MSI2: variants seen among roughly 807,000 people sequenced by gnomAD.
MSI2 encodes the protein RNA-binding protein Musashi homolog 2.
In MSI2, 17 loss-of-function variants were observed where a neutral mutation model predicts 45.6. That is an observed-to-expected ratio of 0.37 (90% CI 0.26 to 0.56). The LOEUF (loss-of-function observed/expected upper bound fraction) is 0.56. Among genes scored for constraint, MSI2 ranks in the 20% least tolerant of loss-of-function variants. MSI2 has a pLI of 0.77. For missense variants in MSI2, 293 were observed against 444.2 expected (o/e 0.66, Z 3.06); for synonymous variants, 156 against 158.2 (o/e 0.99, Z 0.11).
In MSI2 at chr17:57,596,450, G is replaced by A. The variant is rs1394399552; in HGVS notation, c.455-418G>A. Among the ~76,000 whole-genome samples, 2 of 152,192 alleles carry A rather than the reference G, an allele frequency of 1.3e-5. No individual in the cohort carries two copies. The highest frequency in any genetic ancestry group is 6.5e-5 in the Admixed American group (1 of 15,286). ...AAGAAAAGGACAAATAACCACCTCC[G>A]TCTGGAGGCCGACCCGAGGGCTGGC... is the stretch of plus-strand genomic sequence containing the variant. On this transcript the variant is annotated intron_variant, in intron 7 of 13. Transcript: ENST00000284073. The surrounding 1 kb of genome is among the most constrained non-coding windows in gnomAD (Gnocchi z 4.6).
chr17:57,695,747 C>T, the MSI2 span, among the ~76,000 whole-genome samples: 1 of 152,122 alleles, frequency 6.6e-6, no homozygotes, highest in African/African-American at 2.4e-5. Context: ...ATACCATATA[C>T]TGGGTGGCTT....
At chr17:57,485,483 G>A (rs76177364) in intron 6 of MSI2, among the ~76,000 whole-genome samples, 1,779 of 152,256 alleles carry the variant, frequency 0.012, 33 homozygotes, top group South Asian at 0.056. Flanking sequence ...TTGTGCAGAT[G>A]GGAGCCACGC....
chr17:57,270,539 G>T (rs1908263754), intron 5 of MSI2, among the ~76,000 whole-genome samples: 1 of 152,218 alleles, frequency 6.6e-6, no homozygotes. Flanking sequence ...TTTGTTACCT[G>T]TTTTCTGAGA....
intron 5 of MSI2, among the ~76,000 whole-genome samples, chr17:57,334,720 C>T (rs990555376): frequency 8.6e-5 from 13 of 151,620 alleles, no homozygotes; most frequent in Non-Finnish European, 1.3e-4. Context: ...CTTGAACCCA[C>T]GAGGCGGAGG....
chr17:57,374,638 C>T (rs1365001929), intron 5 of MSI2, among the ~76,000 whole-genome samples: 2 of 151,916 alleles, frequency 1.3e-5, no homozygotes, highest in East Asian at 1.9e-4. Context: ...ATTAGCTGGG[C>T]ATGGTGGTGC....
intron 7 of MSI2, among the ~76,000 whole-genome samples, chr17:57,541,835 C>G (rs1274889311): frequency 6.6e-6 from 1 of 152,150 alleles, no homozygotes; most frequent in Non-Finnish European, 1.5e-5. Context: ...GAAATTTCTC[C>G]CTCAACTTGC....
chr17:57,293,594 T>TG (rs1491364981), intron 5 of MSI2, among the ~76,000 whole-genome samples: 19 of 56,272 alleles, frequency 3.4e-4, no homozygotes, highest in African/African-American at 9.2e-4. Flanking sequence ...ATTGTTTTTT[T>TG]GTTTTTTTTT....
chr17:57,422,663 C>T, intron 6 of MSI2, among the ~76,000 whole-genome samples: 1 of 152,244 alleles, frequency 6.6e-6, no homozygotes, highest in East Asian at 1.9e-4. Flanking sequence ...ATTGTCACCG[C>T]TAACCCTGCT....
intron 5 of MSI2, among the ~76,000 whole-genome samples, chr17:57,356,071 C>T (rs539503671): frequency 2.6e-5 from 4 of 152,050 alleles, no homozygotes; most frequent in Non-Finnish European, 2.9e-5. Context: ...GTTGGGTTTT[C>T]GCCACGTTGG....
intron 7 of MSI2, among the ~76,000 whole-genome samples, chr17:57,587,341 G>A (rs1008113015): frequency 1.3e-5 from 2 of 152,214 alleles, no homozygotes; most frequent in African/African-American, 4.8e-5. Flanking sequence ...TCAAGGTCAA[G>A]GGTTGGCCAG....
intron 8 of MSI2, among the ~76,000 whole-genome samples, chr17:57,602,842 G>A (rs1024874995): frequency 3.9e-5 from 6 of 152,290 alleles, no homozygotes; most frequent in Middle Eastern, 3.4e-3. Flanking sequence ...AGCTGGTTAG[G>A]AATGCAGAGT....
At chr17:57,597,007 C>T (rs932251831) in intron 8 of MSI2, 57 bp downstream of exon 8, 1 of 1,276,848 alleles carries the variant, frequency 7.8e-7, no homozygotes, top group Admixed American at 1.7e-5. Context: ...CGTACACACC[C>T]AGTCTTGCAG....
intron 7 of MSI2, among the ~76,000 whole-genome samples, chr17:57,546,710 G>A (rs970004089): frequency 6.6e-6 from 1 of 152,178 alleles, no homozygotes; most frequent in Admixed American, 6.5e-5. Flanking sequence ...TTCCCTTTGG[G>A]TTTCCCCAGG....
intron 6 of MSI2, among the ~76,000 whole-genome samples, chr17:57,466,967 T>A (rs2085341513): frequency 6.6e-6 from 1 of 152,226 alleles, no homozygotes; most frequent in East Asian, 1.9e-4. Flanking sequence ...TGATTTTTCA[T>A]CCTATTAGCT....
intron 6 of MSI2, among the ~76,000 whole-genome samples, chr17:57,476,953 ATTC>A (rs1256907728): frequency 6.6e-6 from 1 of 152,078 alleles, no homozygotes; most frequent in Non-Finnish European, 1.5e-5. Flanking sequence ...GTAAAACAAG[ATTC>A]TTCTTTTTCC....
At chr17:57,543,279 G>T (rs1025912302) in intron 7 of MSI2, among the ~76,000 whole-genome samples, 1 of 152,194 alleles carries the variant, frequency 6.6e-6, no homozygotes, top group East Asian at 1.9e-4. Flanking sequence ...GCTTAAGAGG[G>T]GGGGAAAATG....
chr17:57,538,783 A>C (rs2086977514), intron 7 of MSI2, among the ~76,000 whole-genome samples: 1 of 152,218 alleles, frequency 6.6e-6, no homozygotes, highest in Admixed American at 6.5e-5. Context: ...CTTTGAAAGG[A>C]TGCCTGCAAA....
rs35606406 is a variant in MSI2 at position 57,597,466 on chromosome 17, T to TAAAAAAAAAAAAAAA, written c.537+526_537+540dup. ...GGAAACATAGCCAGACCTCATCTCT[T>TAAAAAAAAAAAAAAA]AAAAAAAAAAAAAAAAAAAAAAAAT... On this transcript the variant is annotated intron_variant, in intron 8 of 13. Transcript: ENST00000284073. Among the ~76,000 whole-genome samples, 38 of 87,104 alleles carry TAAAAAAAAAAAAAAA rather than the reference T, an allele frequency of 4.4e-4. 2 individuals are homozygous for TAAAAAAAAAAAAAAA. Among genetic ancestry groups the TAAAAAAAAAAAAAAA allele is most frequent in the Admixed American group, 5.9e-4 (4 of 6,764 alleles). 57.1% of individuals were successfully genotyped at this position (87,104 alleles called of 152,430 possible).
chr17:57,458,232 C>A (rs1362120880), intron 6 of MSI2, among the ~76,000 whole-genome samples: 1 of 151,694 alleles, frequency 6.6e-6, no homozygotes, highest in East Asian at 1.9e-4. Flanking sequence ...TCCCGAGTAG[C>A]TGGGACTACG....
Sources: allele counts gnomAD v4.1 joint callset (sites outside exome capture counted in the v4.1 genomes callset), GRCh38; gene constraint gnomAD v4.1.1; non-coding constraint Gnocchi (gnomAD v3.1); transcripts MANE v1.5; gene names NCBI Gene and HGNC (gene_info 2026-07-23, HGNC 2026-07-21).